The following EYS variants were observed in gnomAD, a reference collection of about 807,000 sequenced individuals.
EYS encodes EGF-like photoreceptor maintenance factor.
A neutral mutation model predicts 282.1 loss-of-function variants in EYS; 250 were observed. The observed-to-expected ratio is 0.89, with a 90% CI of 0.80 to 0.98. The LOEUF is 0.98. EYS is among the 50% of genes least tolerant of loss of function. The pLI, the probability that EYS is intolerant of heterozygous loss-of-function variation, is 0.00. For synonymous variants in EYS, 1,355 were observed against 1,282.9 expected (o/e 1.06, Z -1.20); for missense variants, 4,016 against 3,709.0 (o/e 1.08, Z -2.15).
At chr6:64,595,694 C>T (rs191617535) in intron 24 of EYS, among the ~76,000 whole-genome samples, 120 of 151,984 alleles carry the variant, frequency 7.9e-4, no homozygotes, top group Non-Finnish European at 1.3e-3. Context: ...TCACAATAGC[C>T]TCACAAAAGA....
intron 5 of EYS, among the ~76,000 whole-genome samples, chr6:65,470,005 A>G (rs1427273769): frequency 6.6e-6 from 1 of 152,188 alleles, no homozygotes; most frequent in African/African-American, 2.4e-5. Flanking sequence ...AAGAGATTAG[A>G]TACAAAATAA....
At chr6:63,983,305 T>C (rs1316187542) in intron 35 of EYS, among the ~76,000 whole-genome samples, 1 of 151,898 alleles carries the variant, frequency 6.6e-6, no homozygotes, top group Admixed American at 6.6e-5. Flanking sequence ...AAACTCTGCC[T>C]GACTTTTCCA....
At chr6:65,242,784 G>A (rs1027177326) in intron 12 of EYS, among the ~76,000 whole-genome samples, 1 of 151,772 alleles carries the variant, frequency 6.6e-6, no homozygotes, top group Non-Finnish European at 1.5e-5. Context: ...GAAAATTATT[G>A]TCTATATTTT....
intron 30 of EYS, among the ~76,000 whole-genome samples, chr6:64,240,216 C>T (rs1481360070): frequency 1.3e-5 from 2 of 151,940 alleles, no homozygotes; most frequent in East Asian, 1.9e-4. Context: ...CTTTTTGCTT[C>T]GGATTGTCTT....
chr6:64,873,407 T>C (rs1766653568), intron 19 of EYS, among the ~76,000 whole-genome samples: 1 of 152,014 alleles, frequency 6.6e-6, no homozygotes, highest in South Asian at 2.1e-4. Flanking sequence ...GCAGTGAAAT[T>C]AATTTTCCAC....
At chr6:63,836,933 G>A (rs961911137) in intron 36 of EYS, among the ~76,000 whole-genome samples, 94 of 151,538 alleles carry the variant, frequency 6.2e-4, no homozygotes, top group African/African-American at 1.9e-3. Flanking sequence ...ACTTGGCCTT[G>A]TATCATTCTC....
rs149971624 is a variant in EYS at position 65,641,682 on chromosome 6, A to G, written c.-447-1790T>C. ...CACTCTTTTTAAGAACACTAACTTC[A>G]CATCCTTGTATATAATTAGCTATGA... On this transcript the variant is annotated intron_variant, in intron 1 of 42. Transcript: ENST00000503581. 2.4e-3 allele frequency among the ~76,000 whole-genome samples: 361 copies of G among 152,328 alleles called. 2 individuals are homozygous for G. Among genetic ancestry groups the G allele is most frequent in the African/African-American group, 8.6e-3 (356 of 41,570 alleles).
At chr6:64,551,536 C>CTTTT (rs34550861) in intron 26 of EYS, among the ~76,000 whole-genome samples, 3 of 131,802 alleles carry the variant, frequency 2.3e-5, no homozygotes, top group East Asian at 4.4e-4. Flanking sequence ...CAAGTGCATT[C>CTTTT]TTTTTTTTTT....
chr6:64,110,378 G>C (rs1353044161), intron 31 of EYS, among the ~76,000 whole-genome samples: 3 of 151,896 alleles, frequency 2.0e-5, no homozygotes, highest in Non-Finnish European at 4.4e-5. Flanking sequence ...CTCGCATTAG[G>C]CACTGAGGGG....
At chr6:65,010,808 AG>A (rs1197707711) in intron 13 of EYS, among the ~76,000 whole-genome samples, 1 of 152,230 alleles carries the variant, frequency 6.6e-6, no homozygotes, top group Non-Finnish European at 1.5e-5. Flanking sequence ...ATGGAGAGAA[AG>A]GGAATTCCTA....
intron 19 of EYS, among the ~76,000 whole-genome samples, chr6:64,878,257 G>T (rs958687370): frequency 2.0e-5 from 3 of 151,914 alleles, no homozygotes; most frequent in Admixed American, 6.6e-5. Context: ...ATAATGGAGA[G>T]AATCCATACA....
intron 2 of EYS, among the ~76,000 whole-genome samples, chr6:65,558,590 G>A (rs1001428964): frequency 1.5e-4 from 23 of 152,174 alleles, no homozygotes; most frequent in African/African-American, 5.5e-4. Flanking sequence ...CTCCTCCACT[G>A]CAGCTGGCTT....
At chr6:64,721,110 T>C (rs934603391) in intron 22 of EYS, among the ~76,000 whole-genome samples, 2 of 152,164 alleles carry the variant, frequency 1.3e-5, no homozygotes, top group African/African-American at 4.8e-5. Flanking sequence ...CCTGGGGATT[T>C]AGTAGGACCA....
Position 65,138,458 on chromosome 6 carries a change from A to T in EYS, c.2024-80731T>A, listed in dbSNP as rs1372738124. Among the ~76,000 whole-genome samples the T allele has an allele frequency of 5.9e-5, 9 of 152,200 alleles. No individual in the cohort carries two copies. In the South Asian group the frequency reaches 1.9e-3, roughly 32 times the overall value. On this transcript the variant is annotated intron_variant, in intron 12 of 42. Coordinates refer to ENST00000503581, the MANE Select transcript of EYS (RefSeq NM_001142800.2). ...ATATTAAGAGTGTATATTTGGTTCC[A>T]CGCTGAAATGGAAAAATGCATTTAT...
intron 22 of EYS, among the ~76,000 whole-genome samples, chr6:64,649,715 T>C (rs1418460864): frequency 1.3e-5 from 2 of 152,192 alleles, no homozygotes; most frequent in African/African-American, 4.8e-5. Context: ...ATCACTAATT[T>C]ATCTGACAAA....
chr6:64,981,089 C>T (rs1770648196), intron 14 of EYS, among the ~76,000 whole-genome samples: 4 of 151,136 alleles, frequency 2.6e-5, no homozygotes, highest in South Asian at 2.1e-4. Context: ...TATAAAGCCT[C>T]GGTGGATGAG....
chr6:64,192,708 G>C (rs1765153346), intron 31 of EYS, among the ~76,000 whole-genome samples: 1 of 152,074 alleles, frequency 6.6e-6, no homozygotes, highest in African/African-American at 2.4e-5. Context: ...TTAAACGTTA[G>C]ACCTAAAACC....
chr6:64,533,866 A>G (rs1764431449), intron 26 of EYS, among the ~76,000 whole-genome samples: 1 of 151,852 alleles, frequency 6.6e-6, no homozygotes, highest in Non-Finnish European at 1.5e-5. Context: ...ACATAATTTT[A>G]AAGATGGTTG....
At position 63,825,392 on chromosome 6, in the gene EYS, A is replaced by G. The variant is rs542289288; in HGVS notation, c.7229-19020T>C. Among the ~76,000 whole-genome samples the G allele has an allele frequency of 5.3e-4, 81 of 152,254 alleles. 2 individuals are homozygous for G. The highest frequency in any genetic ancestry group is 1.9e-3 in the African/African-American group (80 of 41,548). On this transcript the variant is annotated intron_variant, in intron 36 of 42. Transcript: ENST00000503581. ...CCGCCCACTGCCCATCCCTCTCCAC[A>G]CTATAGCTGTTCTGGAAAATGCCAC...
Sources: gnomAD v4.1 joint callset for allele counts (sites outside exome capture counted in the v4.1 genomes callset) on GRCh38, gnomAD v4.1.1 for gene constraint, MANE v1.5 for transcripts, NCBI Gene and HGNC (gene_info 2026-07-23, HGNC 2026-07-21) for gene names.